The following SATB2 variants were observed in gnomAD, a reference collection of about 807,000 sequenced individuals.
SATB2 encodes SATB homeobox 2.
SATB2 carries 1 observed loss-of-function variant against 73.4 expected under a neutral mutation model. The ratio of observed to expected loss-of-function variants is 0.01; its 90% confidence interval spans 0.00 to 0.06. The LOEUF (loss-of-function observed/expected upper bound fraction) is 0.06. SATB2 is among the 10% of genes least tolerant of loss of function. The pLI is 1.00. For missense variants in SATB2, 459 were observed against 945.8 expected (o/e 0.49, Z 6.75); for synonymous variants, 397 against 367.0 (o/e 1.08, Z -0.93).
chr2:199,399,115 T>A (rs1690390975), intron 3 of SATB2, among the ~76,000 whole-genome samples: 1 of 151,868 alleles, frequency 6.6e-6, no homozygotes, highest in Non-Finnish European at 1.5e-5. Context: ...TACAAAAAAA[T>A]ATAAACACTA....
chr2:199,355,356 A>C (rs1195618069), intron 6 of SATB2, among the ~76,000 whole-genome samples: 6 of 25,960 alleles, frequency 2.3e-4, no homozygotes, highest in South Asian at 2.3e-3. Flanking sequence ...ATCTATATAT[A>C]TATATATATA....
chr2:199,348,033 C>T (rs1214777498), intron 7 of SATB2: 1 of 152,192 alleles, frequency 6.6e-6, no homozygotes, highest in Non-Finnish European at 1.5e-5. Flanking sequence ...TTAAGAACTA[C>T]TAGCAGAAAA....
rs1294387707 is a variant in SATB2 at position 199,328,762 on chromosome 2, A to G, written c.1322T>C (p.Met441Thr). The G allele has an allele frequency of 1.2e-6, 2 of 1,613,836 alleles. No homozygotes were observed. Among genetic ancestry groups the G allele is most frequent in the African/African-American group, 1.3e-5 (1 of 74,910 alleles). Residue 441 changes from methionine (M) to threonine (T), a missense_variant, in exon 8 of 11, where the codon ATG (methionine) becomes ACG (threonine). By Grantham distance (81) the Met-to-Thr change is moderately conservative (BLOSUM62 -1). Transcript: ENST00000417098. The part of the protein sequence containing the change: ...RIYQDERERS[M>T]NPNVSMVSSA... Reference sequence around the variant, plus strand: ...GGAGACCATGCTCACATTGGGATTCATGCTCCGCTCCCTCTCATCCTGGTA... The same window carrying G: ...GGAGACCATGCTCACATTGGGATTCGTGCTCCGCTCCCTCTCATCCTGGTA...
Position 199,429,005 on chromosome 2 carries a change from C to CAA in SATB2, c.346+4331_346+4332dup, listed in dbSNP as rs575684723. 4.9e-3 allele frequency among the ~76,000 whole-genome samples: 306 copies of CAA among 62,598 alleles called. 1 individual carries two copies. The highest frequency in any genetic ancestry group is 0.014 in the African/African-American group (268 of 19,586). The allele number at this position is 62,598 out of a possible 152,430, so 41.1% of individuals were successfully genotyped here. A position where few individuals can be genotyped will look rare whatever the true frequency, so the allele number is the denominator to read the frequency against. Reference sequence around the variant, plus strand: ...TGGGATACACATCAAGACTCTGTCTCAAAAAAAAAAAAAAAAAAGAAAGAA... The same window carrying CAA: ...TGGGATACACATCAAGACTCTGTCTCAAAAAAAAAAAAAAAAAAAAGAAAGAA... On this transcript the variant is annotated intron_variant, in intron 3 of 10. Transcript: ENST00000417098.
chr2:199,399,584 G>C (rs1249243593), intron 3 of SATB2, among the ~76,000 whole-genome samples: 1 of 152,166 alleles, frequency 6.6e-6, no homozygotes, highest in Non-Finnish European at 1.5e-5. Flanking sequence ...AGTTTCATTG[G>C]CTCACGGTTC....
chr2:199,356,704 AAAGTC>A (rs1225331134), intron 6 of SATB2, among the ~76,000 whole-genome samples: 1 of 152,196 alleles, frequency 6.6e-6, no homozygotes, highest in Non-Finnish European at 1.5e-5. Context: ...TGAATAACTC[AAAGTC>A]AAGTTCTAAA....
chr2:199,389,015 T>C (rs1198946640), intron 3 of SATB2, among the ~76,000 whole-genome samples: 1 of 152,162 alleles, frequency 6.6e-6, no homozygotes, highest in Non-Finnish European at 1.5e-5. Flanking sequence ...GAATTATTTA[T>C]CCATAAATCA....
intron 2 of SATB2, among the ~76,000 whole-genome samples, chr2:199,441,495 G>A (rs979919692): frequency 6.6e-6 from 1 of 152,120 alleles, no homozygotes; most frequent in African/African-American, 2.4e-5. Context: ...TGGGGGCAAT[G>A]GGGTTGAGAA....
chr2:199,412,892 T>A (rs1355085419), intron 3 of SATB2, among the ~76,000 whole-genome samples: 1 of 152,050 alleles, frequency 6.6e-6, no homozygotes, highest in African/African-American at 2.4e-5. Flanking sequence ...AGGAAAGGAG[T>A]GTAATAAGTT....
chr2:199,306,893 C>A (rs1418073318), intron 10 of SATB2, among the ~76,000 whole-genome samples: 1 of 152,156 alleles, frequency 6.6e-6, no homozygotes, highest in Non-Finnish European at 1.5e-5. Context: ...AAGTTTCCAA[C>A]TTTATCACCA....
At chr2:199,355,342 G>GTATC (rs1249092587) in intron 6 of SATB2, among the ~76,000 whole-genome samples, 1 of 5,420 alleles carries the variant, frequency 1.8e-4, no homozygotes, top group Admixed American at 4.2e-3. Flanking sequence ...GTGTGTGTGT[G>GTATC]TGTATCTATA....
At position 199,455,129 on chromosome 2, in the gene SATB2, A is replaced by G. The variant is rs1316505018; in HGVS notation, c.169+740T>C. 6.6e-6 allele frequency among the ~76,000 whole-genome samples: 1 copy of G among 152,188 alleles called. No homozygotes were observed. Among genetic ancestry groups the G allele is most frequent in the Non-Finnish European group, 1.5e-5 (1 of 68,024 alleles). On this transcript the variant is annotated intron_variant, in intron 2 of 10. Coordinates refer to ENST00000417098, the MANE Select transcript of SATB2 (RefSeq NM_001172509.2). The surrounding 1 kb of genome is among the most constrained non-coding windows in gnomAD (Gnocchi z 4.1). ...TTTTGTATGATTGCTTTTCCTGACC[A>G]CTTTAAAAGAAAGTAGTTGCTTAAG... is the stretch of plus-strand genomic sequence containing the variant.
intron 2 of SATB2, among the ~76,000 whole-genome samples, chr2:199,441,214 C>G (rs1022207235): frequency 1.3e-5 from 2 of 151,908 alleles, no homozygotes; most frequent in African/African-American, 4.8e-5. Flanking sequence ...TTACCCATGA[C>G]CCAGGTGCAA....
chr2:199,451,567 C>A (rs1692124976), intron 2 of SATB2, among the ~76,000 whole-genome samples: 1 of 151,678 alleles, frequency 6.6e-6, no homozygotes. Context: ...CTCCATTTTG[C>A]CCATGTTAAC....
At chr2:199,460,527 G>C (rs1037989489), upstream of SATB2, 1 of 152,332 alleles carries the variant, frequency 6.6e-6, no homozygotes, top group Admixed American at 6.5e-5. This position sits in a 1 kb window ranked among gnomAD's most constrained non-coding sequence, Gnocchi z 4.0. Context: ...TAGGAGTTCA[G>C]TACTTCTGGA....
At chr2:199,352,130 T>A (rs1453268536) in intron 6 of SATB2, among the ~76,000 whole-genome samples, 1 of 152,220 alleles carries the variant, frequency 6.6e-6, no homozygotes, top group East Asian at 1.9e-4. Flanking sequence ...TGCCCTGGCT[T>A]CCCAAAGTGC....
At position 199,308,409 on chromosome 2, in the gene SATB2, C is replaced by G. The variant is rs1687495550; in HGVS notation, c.1740+351G>C. Among the ~76,000 whole-genome samples the G allele has an allele frequency of 6.6e-6, 1 of 152,182 alleles. No homozygotes were observed. Among genetic ancestry groups the G allele is most frequent in the South Asian group, 2.1e-4 (1 of 4,822 alleles). ...TCACAGGTTTTTTATAGAAAATGAA[C>G]TGATGGAAACCATGTTTTCCGATCG... On this transcript the variant is annotated intron_variant, in intron 10 of 10. Coordinates refer to ENST00000417098, the MANE Select transcript of SATB2 (RefSeq NM_001172509.2). The surrounding 1 kb of genome is among the most constrained non-coding windows in gnomAD (Gnocchi z 4.6).
chr2:199,423,495 C>A (rs1246612719), intron 3 of SATB2, among the ~76,000 whole-genome samples: 1 of 151,942 alleles, frequency 6.6e-6, no homozygotes, highest in East Asian at 1.9e-4. Context: ...ATTTTAAAAT[C>A]TTTAAAGAAA....
At chr2:199,437,069 G>C (rs1428290387) in intron 2 of SATB2, among the ~76,000 whole-genome samples, 1 of 152,104 alleles carries the variant, frequency 6.6e-6, no homozygotes, top group Non-Finnish European at 1.5e-5. Flanking sequence ...ACAAAATTTA[G>C]AAATGGTGAA....
Sources: allele counts gnomAD v4.1 joint callset (sites outside exome capture counted in the v4.1 genomes callset), GRCh38; gene constraint gnomAD v4.1.1; non-coding constraint Gnocchi (gnomAD v3.1); transcripts MANE v1.5; gene names NCBI Gene and HGNC (gene_info 2026-07-23, HGNC 2026-07-21).